The following GRB10 variants were observed in gnomAD, a reference collection of about 807,000 sequenced individuals.
The protein encoded by GRB10 is growth factor receptor bound protein 10.
Under a neutral mutation model 80.9 loss-of-function variants are expected in GRB10, and 20 were observed. The ratio of observed to expected loss-of-function variants is 0.25; its 90% CI spans 0.17 to 0.36. The LOEUF (loss-of-function observed/expected upper bound fraction) is 0.36, where lower values mean the gene tolerates loss of function less well. Among genes scored for constraint, GRB10 ranks in the 10% least tolerant of loss-of-function variants. GRB10 has a pLI of 1.00. For synonymous variants in GRB10, 291 were observed against 291.5 expected (o/e 1.00, Z 0.02); for missense variants, 548 against 747.7 (o/e 0.73, Z 3.12).
intron 3 of GRB10, among the ~76,000 whole-genome samples, chr7:50,733,771 A>T (rs115032453): frequency 0.036 from 5,477 of 152,272 alleles, 344 homozygotes; most frequent in African/African-American, 0.13. Context: ...TCTAATTCCC[A>T]GTCACTTAGT....
chr7:50,792,289 ATTCT>A (rs1390192292), intron 1 of GRB10, among the ~76,000 whole-genome samples: 1 of 150,776 alleles, frequency 6.6e-6, no homozygotes, highest in Non-Finnish European at 1.5e-5. Context: ...GCAAGAAAAT[ATTCT>A]TTCAAACGCA....
chr7:50,754,092 G>A (rs1017471497), intron 3 of GRB10, among the ~76,000 whole-genome samples: 13 of 152,218 alleles, frequency 8.5e-5, no homozygotes, highest in African/African-American at 1.4e-4. Flanking sequence ...CTGCCTGCCC[G>A]TGAGCACGGC....
At chr7:50,606,202 T>C in intron 14 of GRB10, 135 bp downstream of exon 14, 1 of 799,580 alleles carries the variant, frequency 1.3e-6, no homozygotes, top group Non-Finnish European at 2.2e-6. Context: ...TCGTGGGACA[T>C]ACTGGCTTCC....
At chr7:50,792,531 T>C (rs1237653419) in intron 1 of GRB10, 1 of 398,498 alleles carries the variant, frequency 2.5e-6, no homozygotes, top group Non-Finnish European at 4.4e-6. Context: ...GCATCAGAAA[T>C]TTCCTTCTGC....
At chr7:50,741,565 A>AAAAAAAAAAAC (rs1563672582) in intron 3 of GRB10, among the ~76,000 whole-genome samples, 8 of 141,098 alleles carry the variant, frequency 5.7e-5, no homozygotes, top group South Asian at 2.3e-4. Context: ...AAAAAAAAAA[A>AAAAAAAAAAAC]AAAAAAAAAA....
intron 13 of GRB10, among the ~76,000 whole-genome samples, chr7:50,609,913 C>G (rs1297766262): frequency 6.6e-6 from 1 of 152,054 alleles, no homozygotes; most frequent in African/African-American, 2.4e-5. Context: ...CTATGTAGAC[C>G]CAAGTTATAA....
At chr7:50,661,331 A>C (rs1297400677) in intron 7 of GRB10, among the ~76,000 whole-genome samples, 1 of 152,230 alleles carries the variant, frequency 6.6e-6, no homozygotes, top group Non-Finnish European at 1.5e-5. Flanking sequence ...AATTAAGCAG[A>C]GGGAGAAGAG....
intron 7 of GRB10, among the ~76,000 whole-genome samples, chr7:50,665,939 C>A (rs887785174): frequency 1.5e-4 from 23 of 152,190 alleles, no homozygotes; most frequent in Non-Finnish European, 5.9e-5. Flanking sequence ...ATGACTCAGG[C>A]AAGCCCCATG....
chr7:50,766,256 C>G (rs1456488010), intron 2 of GRB10, among the ~76,000 whole-genome samples: 1 of 152,210 alleles, frequency 6.6e-6, no homozygotes, highest in Admixed American at 6.5e-5. Context: ...AGGGCTCCCC[C>G]TCCCTTTCTA....
At chr7:50,680,281 A>C (rs1244342163) in intron 5 of GRB10, among the ~76,000 whole-genome samples, 1 of 152,266 alleles carries the variant, frequency 6.6e-6, no homozygotes, top group Non-Finnish European at 1.5e-5. Context: ...CTACACAGTC[A>C]TAACTCTTGG....
chr7:50,620,782 C>T (rs755956969), intron 8 of GRB10, among the ~76,000 whole-genome samples: 15 of 152,128 alleles, frequency 9.9e-5, no homozygotes, highest in Admixed American at 5.2e-4. Context: ...AAAACTGTTA[C>T]GTTTGCTTTC....
chr7:50,599,747 T>C (rs149066480), intron 17 of GRB10, among the ~76,000 whole-genome samples: 75 of 152,260 alleles, frequency 4.9e-4, no homozygotes, highest in African/African-American at 1.7e-3. Context: ...ACCAACTGGG[T>C]TTCTGATCCG....
At chr7:50,645,098 A>G (rs2056962342) in intron 7 of GRB10, among the ~76,000 whole-genome samples, 1 of 152,366 alleles carries the variant, frequency 6.6e-6, no homozygotes, top group South Asian at 2.1e-4. Context: ...ACAACATGCC[A>G]GAAAATGTAT....
chr7:50,699,972 A>G (rs1363442600), intron 5 of GRB10, among the ~76,000 whole-genome samples: 1 of 151,978 alleles, frequency 6.6e-6, no homozygotes, highest in African/African-American at 2.4e-5. Flanking sequence ...TGTCTCTACT[A>G]AAAAATACCA....
intron 5 of GRB10, among the ~76,000 whole-genome samples, chr7:50,688,174 C>G (rs2062333522): frequency 6.6e-6 from 1 of 152,220 alleles, no homozygotes; most frequent in Non-Finnish European, 1.5e-5. Context: ...CAGCACCACA[C>G]AGCTATGAGT....
chr7:50,686,932 T>A (rs1289336100), intron 5 of GRB10, among the ~76,000 whole-genome samples: 1 of 152,234 alleles, frequency 6.6e-6, no homozygotes, highest in East Asian at 1.9e-4. Context: ...TTTATTTTTT[T>A]ATTTAGATAC....
intron 10 of GRB10, 95 bp downstream of exon 10, chr7:50,617,976 G>T: frequency 9.6e-7 from 1 of 1,043,068 alleles, no homozygotes. Flanking sequence ...TGAAAGATGC[G>T]ATCTCTTTAG....
chr7:50,657,591 C>T (rs974951508), intron 7 of GRB10, among the ~76,000 whole-genome samples: 1 of 152,230 alleles, frequency 6.6e-6, no homozygotes, highest in Non-Finnish European at 1.5e-5. Context: ...CTAGAAACTA[C>T]TGCCCTGATT....
chr7:50,762,738 T>C (rs770102338), intron 2 of GRB10, among the ~76,000 whole-genome samples: 30 of 152,224 alleles, frequency 2.0e-4, no homozygotes, highest in Non-Finnish European at 3.4e-4. Context: ...GAGGAAGATC[T>C]TCATAAGCAA....
Sources: allele counts gnomAD v4.1 joint callset (sites outside exome capture counted in the v4.1 genomes callset), GRCh38; gene constraint gnomAD v4.1.1; transcripts MANE v1.5; gene names NCBI Gene and HGNC (gene_info 2026-07-23, HGNC 2026-07-21).